Variants in SPHKAP observed in about 807,000 individuals in gnomAD.
The protein encoded by SPHKAP is A-kinase anchor protein SPHKAP.
In SPHKAP, 67 loss-of-function variants were observed where a neutral mutation model predicts 137.5. That is an observed-to-expected ratio of 0.49 (90% CI 0.40 to 0.60). The LOEUF (loss-of-function observed/expected upper bound fraction) is 0.60, where lower values mean the gene tolerates loss of function less well. Among genes scored for constraint, SPHKAP ranks in the 20% least tolerant of loss-of-function variants. SPHKAP has a pLI of 0.00. For missense variants in SPHKAP, 2,097 were observed against 2,069.3 expected (o/e 1.01, Z -0.26); for synonymous variants, 813 against 785.3 (o/e 1.04, Z -0.59).
At chr2:228,053,110 T>G (rs1303992426) in intron 3 of SPHKAP, among the ~76,000 whole-genome samples, 1 of 152,164 alleles carries the variant, frequency 6.6e-6, no homozygotes, top group Non-Finnish European at 1.5e-5. Flanking sequence ...TTCTGACTCG[T>G]AGACAGCCAT....
At chr2:228,005,734 G>A (rs1694103126) in intron 7 of SPHKAP, among the ~76,000 whole-genome samples, 1 of 152,246 alleles carries the variant, frequency 6.6e-6, no homozygotes, top group Non-Finnish European at 1.5e-5. Flanking sequence ...AGCTCTTGTA[G>A]GGCAGGCCTG....
intron 1 of SPHKAP, among the ~76,000 whole-genome samples, chr2:228,155,201 TC>T (rs1700073999): frequency 6.6e-6 from 1 of 152,154 alleles, no homozygotes; most frequent in African/African-American, 2.4e-5. Flanking sequence ...CCCTTTTTAT[TC>T]ATTCAGCAGT....
In SPHKAP at chr2:228,017,026, C is replaced by T. The variant is rs537030108; in HGVS notation, c.3828G>A (p.Pro1276=). 30 of 1,613,958 alleles carry T rather than the reference C, an allele frequency of 1.9e-5. No homozygotes were observed. In the Middle Eastern group the frequency reaches 4.9e-4, roughly 27 times the overall value. Residue 1276 remains proline (P), a synonymous_variant, in exon 7 of 12, where the codon CCG becomes CCA. Coordinates refer to ENST00000392056, the MANE Select transcript of SPHKAP (RefSeq NM_001142644.2). ...GACCGGATGAGGACGCGCTACTGAC[C>T]GGCTGCACGCTTAGGAAATCTTGTG... The part of the protein sequence containing the change: ...NCPQDFLSVQ[P]VSSASSSGLC...
chr2:228,013,690 T>A (rs532086103), intron 7 of SPHKAP, among the ~76,000 whole-genome samples: 193 of 152,348 alleles, frequency 1.3e-3, no homozygotes, highest in African/African-American at 4.3e-3. Flanking sequence ...CATTTCCTTA[T>A]TAAAACCTTA....
intron 3 of SPHKAP, among the ~76,000 whole-genome samples, chr2:228,032,854 C>G (rs967155957): frequency 2.0e-5 from 3 of 152,148 alleles, no homozygotes; most frequent in Non-Finnish European, 2.9e-5. Context: ...ACCAGGCCTG[C>G]CCTACAAGAG....
rs111624838 is a variant in SPHKAP at position 228,025,770 on chromosome 2, G to A, written c.307-242C>T. The A allele has an allele frequency of 3.1e-3, 2,391 of 782,488 alleles. 25 individuals are homozygous for A. The African/African-American group carries it at 0.032, about 10-fold the overall frequency. The allele number at this position is 782,488 out of a possible 1,614,324, so 48.5% of individuals were successfully genotyped here. On this transcript the variant is annotated intron_variant, in intron 4 of 11. Coordinates refer to ENST00000392056, the MANE Select transcript of SPHKAP (RefSeq NM_001142644.2). ...TTTACAAAAGTAAACATTTTACAAA[G>A]TAAACATAAAGTAAACATTATGATA...
intron 3 of SPHKAP, among the ~76,000 whole-genome samples, chr2:228,089,370 C>A (rs1171733506): frequency 6.6e-6 from 1 of 152,206 alleles, no homozygotes; most frequent in Admixed American, 6.5e-5. Flanking sequence ...AGCATGACTG[C>A]TTCTAACAGC....
At chr2:228,066,349 G>A (rs983520736) in intron 3 of SPHKAP, among the ~76,000 whole-genome samples, 8 of 152,108 alleles carry the variant, frequency 5.3e-5, no homozygotes, top group Non-Finnish European at 1.2e-4. Context: ...GCCCATGAAC[G>A]TCTGACTTCA....
At chr2:228,090,626 G>A (rs1697695473) in intron 3 of SPHKAP, among the ~76,000 whole-genome samples, 1 of 152,182 alleles carries the variant, frequency 6.6e-6, no homozygotes, top group African/African-American at 2.4e-5. Context: ...CAGTGTTGGA[G>A]GTAGAGTGTT....
At chr2:228,120,565 T>A (rs1206139514) in intron 2 of SPHKAP, among the ~76,000 whole-genome samples, 3 of 152,156 alleles carry the variant, frequency 2.0e-5, no homozygotes, top group Non-Finnish European at 2.9e-5. Flanking sequence ...TTCCACACAG[T>A]CTCAGATATC....
chr2:228,016,626 C>CT lies in SPHKAP; in HGVS notation c.4227_4228insA (p.Asp1410ArgfsTer23), dbSNP rs748343264. The CT allele has an allele frequency of 6.2e-7, 1 of 1,613,742 alleles. No homozygotes were observed. Among genetic ancestry groups the CT allele is most frequent in the South Asian group, 1.1e-5 (1 of 91,038 alleles). On this transcript the variant is annotated frameshift_variant, in exon 7 of 12. Transcript: ENST00000392056. LOFTEE classifies it high-confidence loss of function. ...CTTTTGTGGTTTATTGGTACAGGGT[C>CT]CTGGCACGAGGAAGTTTCTTTTTTA...
chr2:228,161,838 A>G (rs1229776615), intron 1 of SPHKAP, among the ~76,000 whole-genome samples: 1 of 152,170 alleles, frequency 6.6e-6, no homozygotes, highest in Non-Finnish European at 1.5e-5. Context: ...TCGGACTCCA[A>G]GCTTTTATGT....
chr2:227,985,477 C>T (rs746601868), intron 11 of SPHKAP, among the ~76,000 whole-genome samples: 3 of 152,200 alleles, frequency 2.0e-5, no homozygotes, highest in Non-Finnish European at 2.9e-5. Context: ...AGAGCTCTCA[C>T]TGTGCCTGTT....
intron 1 of SPHKAP, among the ~76,000 whole-genome samples, chr2:228,160,798 T>C (rs1025749410): frequency 6.6e-6 from 1 of 152,234 alleles, no homozygotes; most frequent in African/African-American, 2.4e-5. Context: ...TTTTCAGTGC[T>C]CTGAACTCAG....
rs1697979134 is a variant in SPHKAP at position 228,096,266 on chromosome 2, T to TGC, written c.246+12565_246+12566insGC. 2.0e-5 allele frequency among the ~76,000 whole-genome samples: 3 copies of TGC among 152,284 alleles called. No homozygotes were observed. In the South Asian group the frequency reaches 6.2e-4, roughly 32 times the overall value. ...CAGATGTAGAAGACTTTGAATTGGA[T>TGC]ACTTGGGTGCAATTATACCTACTGG... On this transcript the variant is annotated intron_variant, in intron 3 of 11. Transcript: ENST00000392056.
chr2:227,985,999 A>G (rs992240342), intron 11 of SPHKAP, among the ~76,000 whole-genome samples: 2 of 152,172 alleles, frequency 1.3e-5, no homozygotes, highest in Non-Finnish European at 2.9e-5. Context: ...AGGCACCTTT[A>G]CAAAACCCTG....
At chr2:228,110,360 C>A (rs1006201009) in intron 2 of SPHKAP, among the ~76,000 whole-genome samples, 3 of 151,666 alleles carry the variant, frequency 2.0e-5, no homozygotes, top group Admixed American at 1.3e-4. Context: ...ATCAAAATAT[C>A]ATTTATTATA....
At chr2:228,176,436 A>G (rs993597239) in intron 1 of SPHKAP, among the ~76,000 whole-genome samples, 3 of 152,252 alleles carry the variant, frequency 2.0e-5, no homozygotes. Flanking sequence ...ATAGAAGATA[A>G]GTATATCCAA....
Position 228,019,408 on chromosome 2 carries a change from G to T in SPHKAP, c.1446C>A (p.Ile482=). The change falls in exon 7 of 12, where the codon ATC becomes ATA. Residue 482 remains isoleucine, a synonymous_variant. Coordinates refer to ENST00000392056, the MANE Select transcript of SPHKAP (RefSeq NM_001142644.2). ...GTCTGCTGGAGTTCTCTCCAGAGAG[G>T]ATGCTTGAGGTTTCAACAGAGACTT... ...EMEVSVETSS[I]LSGENSSRQP... The T allele has an allele frequency of 6.2e-7, 1 of 1,614,204 alleles. No individual in the cohort carries two copies. The highest frequency in any genetic ancestry group is 8.5e-7 in the Non-Finnish European group (1 of 1,180,036).
Sources: allele counts gnomAD v4.1 joint callset (sites outside exome capture counted in the v4.1 genomes callset), GRCh38; gene constraint gnomAD v4.1.1; transcripts MANE v1.5; gene names NCBI Gene and HGNC (gene_info 2026-07-23, HGNC 2026-07-21).